Variants in FOXP4 observed in about 807,000 individuals in gnomAD.
The protein encoded by FOXP4 is forkhead box P4.
FOXP4 carries 25 observed loss-of-function variants against 82.6 expected under a neutral mutation model. The observed-to-expected ratio is 0.30, with a 90% confidence interval of 0.22 to 0.42. FOXP4 has a LOEUF of 0.42. Among genes scored for constraint, FOXP4 ranks in the 10% least tolerant of loss-of-function variants. The pLI is 1.00. For synonymous variants in FOXP4, 415 were observed against 388.2 expected (o/e 1.07, Z -0.81); for missense variants, 785 against 900.9 (o/e 0.87, Z 1.65).
chr6:41,592,464 C>T (rs1252266439), intron 13 of FOXP4, among the ~76,000 whole-genome samples: 2 of 152,206 alleles, frequency 1.3e-5, no homozygotes, highest in Admixed American at 6.5e-5. Flanking sequence ...TTCCTGCCCT[C>T]TTTCTGAGCC....
chr6:41,583,732 A>G (rs1326341121), intron 3 of FOXP4, among the ~76,000 whole-genome samples: 1 of 152,190 alleles, frequency 6.6e-6, no homozygotes, highest in Non-Finnish European at 1.5e-5. Flanking sequence ...GAACAAGACA[A>G]AATAGCAGCT....
rs778497706 is a variant in FOXP4, at chr6:41,597,200, G to A, written c.1683G>A (p.Met561Ile). The change falls in exon 15 of 17, where the codon ATG (methionine) becomes ATA (isoleucine). Residue 561 changes from methionine to isoleucine, a missense_variant. Transcript: ENST00000307972. Reference protein sequence around the residue: ...MTGSPTLVKNMISGLSYGALN... With the variant: ...MTGSPTLVKNIISGLSYGALN... Reference sequence around the variant, plus strand: ...GGAGCCCCACCCTGGTGAAGAACATGATCTCTGGCCTCAGCTATGGAGCAC... The same window carrying A: ...GGAGCCCCACCCTGGTGAAGAACATAATCTCTGGCCTCAGCTATGGAGCAC... 1.2e-6 allele frequency: 2 copies of A among 1,614,166 alleles called. No individual in the cohort carries two copies. The highest frequency in any genetic ancestry group is 1.3e-5 in the African/African-American group (1 of 75,048).
rs889773360 is a variant in FOXP4 at position 41,593,355 on chromosome 6, C to T, written c.1537-1515C>T. Among the ~76,000 whole-genome samples, 3 of 152,200 alleles carry T rather than the reference C, an allele frequency of 2.0e-5. No homozygotes were observed. Among genetic ancestry groups the T allele is most frequent in the African/African-American group, 7.2e-5 (3 of 41,448 alleles). ...TGGGCCCAGCCAGCTGCCGTTCATC[C>T]AGGGACAGAGCTGCCATCTGCCAAG... On this transcript the variant is annotated intron_variant, in intron 13 of 16. Coordinates refer to ENST00000307972, the MANE Select transcript of FOXP4 (RefSeq NM_001012426.2). This position sits in a 1 kb window ranked among gnomAD's most constrained non-coding sequence, Gnocchi z 4.1.
chr6:41,588,829 A>G, intron 9 of FOXP4, 98 bp downstream of exon 9: 1 of 1,333,904 alleles, frequency 7.5e-7, no homozygotes, highest in Non-Finnish European at 1.1e-6. Flanking sequence ...GGAGGGTCTC[A>G]TGGAAGGGTC....
intron 1 of FOXP4, among the ~76,000 whole-genome samples, chr6:41,563,554 G>C (rs961496862): frequency 6.6e-6 from 1 of 152,152 alleles, no homozygotes; most frequent in African/African-American, 2.4e-5. Context: ...TGGCTTCCAC[G>C]GGCCTTGCTA....
At chr6:41,585,848 T>G (rs973063306) in intron 5 of FOXP4, among the ~76,000 whole-genome samples, 4 of 151,920 alleles carry the variant, frequency 2.6e-5, no homozygotes, top group Non-Finnish European at 5.9e-5. Context: ...TCCTGCCCCC[T>G]TGTCTCTTTG....
In FOXP4 at chr6:41,591,363, T is replaced by C. The variant is rs753864241; in HGVS notation, c.1536+41T>C. On this transcript the variant is annotated intron_variant, in intron 13 of 16. Coordinates refer to ENST00000307972, the MANE Select transcript of FOXP4 (RefSeq NM_001012426.2). The surrounding 1 kb of genome is among the most constrained non-coding windows in gnomAD (Gnocchi z 4.2). ...TCCACCTTCTGGGCCCCAGTCACCC[T>C]TGGACCTGCCATATCCCATGGAGAC... The C allele has an allele frequency of 1.4e-4, 205 of 1,496,912 alleles. No individual in the cohort carries two copies. Among genetic ancestry groups the C allele is most frequent in the Non-Finnish European group, 7.2e-5 (79 of 1,095,420 alleles). The allele number at this position is 1,496,912 out of a possible 1,614,324, so 92.7% of individuals were successfully genotyped here. A position where few individuals can be genotyped will look rare whatever the true frequency, so the allele number is the denominator to read the frequency against.
At chr6:41,582,846 A>T (rs1450599993) in intron 3 of FOXP4, among the ~76,000 whole-genome samples, 1 of 151,804 alleles carries the variant, frequency 6.6e-6, no homozygotes, top group Non-Finnish European at 1.5e-5. Flanking sequence ...CGGACGTCCC[A>T]CCTCCACATT....
chr6:41,563,167 T>C (rs1055730359), intron 1 of FOXP4, among the ~76,000 whole-genome samples: 1 of 152,164 alleles, frequency 6.6e-6, no homozygotes, highest in African/African-American at 2.4e-5. Flanking sequence ...CCACTCAGAC[T>C]TACTGGGACA....
intron 2 of FOXP4, among the ~76,000 whole-genome samples, chr6:41,572,681 AAAAC>A (rs1199602113): frequency 1.3e-5 from 2 of 152,198 alleles, no homozygotes; most frequent in East Asian, 3.9e-4. Context: ...CAGTTTTGCC[AAAAC>A]CAGCCAGAGG....
intron 11 of FOXP4, 37 bp from the exon 12 acceptor site, chr6:41,590,234 C>G: frequency 6.2e-7 from 1 of 1,612,942 alleles, no homozygotes; most frequent in South Asian, 1.1e-5. Flanking sequence ...ATCTGAGCCC[C>G]ATATCTGGCT....
Position 41,546,801 on chromosome 6 carries a change from G to T in FOXP4, c.-83G>T, listed in dbSNP as rs1348421676. 1.4e-5 allele frequency: 2 copies of T among 147,924 alleles called. No homozygotes were observed. The highest frequency in any genetic ancestry group is 4.9e-5 in the African/African-American group (2 of 40,844). 9.2% of individuals were successfully genotyped at this position (147,924 alleles called of 1,614,324 possible). A position where few individuals can be genotyped will look rare whatever the true frequency, so the allele number is the denominator to read the frequency against. On this transcript the variant is annotated 5_prime_UTR_variant, in exon 1 of 17. Transcript: ENST00000307972. ...GCGGCGGCGGGCCCGGGCTGCGACC[G>T]GAGCGAGCCCCATGCCCCGCGCGGG...
chr6:41,582,527 C>G (rs1362338502), intron 3 of FOXP4, among the ~76,000 whole-genome samples: 4 of 152,234 alleles, frequency 2.6e-5, no homozygotes, highest in Admixed American at 2.0e-4. Flanking sequence ...CTGAGCTCAC[C>G]TGCACCAAGA....
rs1365967661 is a variant in FOXP4 at position 41,587,174 on chromosome 6, C to T, written c.658+18C>T. The T allele has an allele frequency of 6.2e-7, 1 of 1,607,756 alleles. No individual in the cohort carries two copies. Among genetic ancestry groups the T allele is most frequent in the East Asian group, 2.2e-5 (1 of 44,774 alleles). Reference sequence around the variant, plus strand: ...TCCGCAAGGTGAGCACCCGCCACTCCTCCCCTCCCAGCCCCAACCCCACAG... The same window carrying T: ...TCCGCAAGGTGAGCACCCGCCACTCTTCCCCTCCCAGCCCCAACCCCACAG... On this transcript the variant is annotated intron_variant, in intron 6 of 16. Transcript: ENST00000307972.
intron 3 of FOXP4, 89 bp downstream of exon 3, chr6:41,578,170 T>G: frequency 9.1e-7 from 1 of 1,095,090 alleles, no homozygotes; most frequent in Middle Eastern, 2.1e-4. Flanking sequence ...GGAGAACTGC[T>G]CTTGCCAGTT....
rs535746101 is a variant in FOXP4 at position 41,573,112 on chromosome 6, G to A, written c.205-4874G>A. Among the ~76,000 whole-genome samples the A allele has an allele frequency of 7.2e-5, 11 of 152,022 alleles. No individual in the cohort carries two copies. In the East Asian group the frequency reaches 7.7e-4, roughly 11 times the overall value. ...TCAAGCTTGTCTCCCTGATTATCAC[G>A]TCCCTGCCCTCCTGCACACACAGAG... On this transcript the variant is annotated intron_variant, in intron 2 of 16. Transcript: ENST00000307972.
At position 41,589,978 on chromosome 6, in the gene FOXP4, G is replaced by C. The variant is rs1489125694; in HGVS notation, c.1165G>C (p.Gly389Arg). The change falls in exon 11 of 17, where the codon GGC becomes CGC. Residue 389 changes from glycine (G) to arginine (R), a missense_variant. By Grantham distance (125) the Gly-to-Arg change is moderately radical (BLOSUM62 -2). This residue lies in a region of FOXP4 where 570 missense variants were observed against 634.0 expected (regional missense o/e 0.90). Transcript: ENST00000307972. ...PFSQPLNPVP[G>R]SSSFSKVTVS... ...TTGCTCACAGCTGAACCCGGTCCCC[G>C]GCTCCTCCTCATTCTCCAAGGTGAC... is the stretch of plus-strand genomic sequence containing the variant. 1 of 1,613,422 alleles carries C rather than the reference G, an allele frequency of 6.2e-7. No homozygotes were observed. Among genetic ancestry groups the C allele is most frequent in the Non-Finnish European group, 8.5e-7 (1 of 1,179,872 alleles).
Position 41,591,309 on chromosome 6 carries a change from C to G in FOXP4, c.1523C>G (p.Thr508Ser). ...ATGTTCGCCTATTTCCGCAGAAACA[C>G]TGCCACCTGGAAGGTGAAGCAGGCC... ...TRMFAYFRRNTATWKNAVRHN... is the reference protein window; with the variant it reads ...TRMFAYFRRNSATWKNAVRHN... The change falls in exon 13 of 17, where the codon ACT (threonine) becomes AGT (serine). Residue 508 changes from threonine to serine, a missense_variant. This residue lies in a region of FOXP4 where 31 missense variants were observed against 79.6 expected (regional missense o/e 0.39). Coordinates refer to ENST00000307972, the MANE Select transcript of FOXP4 (RefSeq NM_001012426.2). This position sits in a 1 kb window ranked among gnomAD's most constrained non-coding sequence, Gnocchi z 4.2. 1 of 1,601,858 alleles carries G rather than the reference C, an allele frequency of 6.2e-7. No homozygotes were observed.
Position 41,597,948 on chromosome 6 carries a change from C to G in FOXP4, c.1893C>G (p.Tyr631Ter), listed in dbSNP as rs747216608. The G allele has an allele frequency of 2.0e-6, 3 of 1,529,862 alleles. No homozygotes were observed. Among genetic ancestry groups the G allele is most frequent in the Non-Finnish European group, 2.6e-6 (3 of 1,143,408 alleles). 94.8% of individuals were successfully genotyped at this position (1,529,862 alleles called of 1,614,324 possible). ...CTCCTCGCCTCTCCCCGCCCCAGTA[C>G]AGGTGAGCACACAGCACGGACCCCC... ...SSPPRLSPPQYSHQVQVKEEP... is the reference protein window; with the variant it reads ...SSPPRLSPPQ Residue 631 changes from tyrosine (Y) to a stop codon, truncating the protein, a stop_gained and splice_region_variant, in exon 16 of 17, where the codon TAC becomes TAG. Transcript: ENST00000307972. LOFTEE classifies it high-confidence loss of function.
Sources: allele counts gnomAD v4.1 joint callset (sites outside exome capture counted in the v4.1 genomes callset), GRCh38; gene constraint gnomAD v4.1.1; regional missense constraint gnomAD v4.1.1; non-coding constraint Gnocchi (gnomAD v3.1); transcripts MANE v1.5; gene names NCBI Gene and HGNC (gene_info 2026-07-23, HGNC 2026-07-21).